The following ITPR1 variants were observed in gnomAD, a reference collection of about 807,000 sequenced individuals.
The protein encoded by ITPR1 is inositol 1,4,5-trisphosphate receptor type 1.
A neutral mutation model predicts 318.4 loss-of-function variants in ITPR1; 96 were observed. The ratio of observed to expected loss-of-function variants is 0.30; its 90% CI spans 0.26 to 0.36. ITPR1 has a LOEUF of 0.36. ITPR1 is among the 10% of genes least tolerant of loss of function. ITPR1 has a pLI of 1.00. For synonymous variants in ITPR1, 1,312 were observed against 1,289.9 expected (o/e 1.02, Z -0.37); for missense variants, 2,440 against 3,460.2 (o/e 0.71, Z 7.40).
intron 30 of ITPR1, 28 bp from the exon 31 acceptor site, chr3:4,688,467 G>A: frequency 6.2e-7 from 1 of 1,612,064 alleles, no homozygotes; most frequent in Non-Finnish European, 8.5e-7. Flanking sequence ...CCAGCAATCA[G>A]TGCTTTCATC....
rs138613715 is a variant in ITPR1 at position 4,614,695 on chromosome 3, A to G, written c.164-13068A>G. 5.5e-3 allele frequency among the ~76,000 whole-genome samples: 841 copies of G among 152,270 alleles called. 9 individuals are homozygous for G. Among genetic ancestry groups the G allele is most frequent in the African/African-American group, 0.019 (807 of 41,546 alleles). ...ATGACATGCAACTTGAGCTTTTACAACAGGCATGCAGTTTCTGGGTGATGA... is the reference window on the plus strand; with the variant it reads ...ATGACATGCAACTTGAGCTTTTACAGCAGGCATGCAGTTTCTGGGTGATGA... On this transcript the variant is annotated intron_variant, in intron 4 of 61. Transcript: ENST00000649015.
At chr3:4,844,772 C>A (rs1364310610) in intron 61 of ITPR1, among the ~76,000 whole-genome samples, 1 of 152,168 alleles carries the variant, frequency 6.6e-6, no homozygotes, top group Non-Finnish European at 1.5e-5. Flanking sequence ...TTAAAAGCTA[C>A]CTTTTGGAAA....
At chr3:4,790,816 G>A (rs960037297) in intron 52 of ITPR1, among the ~76,000 whole-genome samples, 2 of 152,206 alleles carry the variant, frequency 1.3e-5, no homozygotes, top group African/African-American at 4.8e-5. Context: ...CAATTGCTCT[G>A]AGCTTCATAA....
intron 6 of ITPR1, among the ~76,000 whole-genome samples, chr3:4,641,823 A>T (rs1461556720): frequency 6.6e-6 from 1 of 152,266 alleles, no homozygotes; most frequent in Non-Finnish European, 1.5e-5. Context: ...ATGATGGCAC[A>T]GTTGACCTGA....
chr3:4,786,702 C>T (rs932660771), intron 51 of ITPR1, among the ~76,000 whole-genome samples: 2 of 152,208 alleles, frequency 1.3e-5, no homozygotes, highest in African/African-American at 4.8e-5. Context: ...AGTACCTCCT[C>T]TCTGGGGACT....
chr3:4,689,677 C>G (rs557872925), intron 31 of ITPR1, among the ~76,000 whole-genome samples: 42 of 152,222 alleles, frequency 2.8e-4, no homozygotes, highest in African/African-American at 1.0e-3. Context: ...CCACCTCACC[C>G]CAAATATAAA....
chr3:4,666,376 A>C (rs1476757745), intron 17 of ITPR1, among the ~76,000 whole-genome samples: 1 of 152,198 alleles, frequency 6.6e-6, no homozygotes, highest in Admixed American at 6.5e-5. Context: ...ACTGTAATCC[A>C]ATAGCCAGAG....
At chr3:4,678,183 A>C (rs2094222561) in intron 24 of ITPR1, among the ~76,000 whole-genome samples, 1 of 152,182 alleles carries the variant, frequency 6.6e-6, no homozygotes, top group South Asian at 2.1e-4. Flanking sequence ...AAGTCATGTA[A>C]TTAGGACGAT....
chr3:4,502,697 C>A (rs144452545), intron 2 of ITPR1, among the ~76,000 whole-genome samples: 52 of 152,082 alleles, frequency 3.4e-4, no homozygotes, highest in South Asian at 8.3e-4. Flanking sequence ...CCTTGGCCTC[C>A]CGAAGTGCTG....
intron 21 of ITPR1, 56 bp downstream of exon 21, chr3:4,673,443 C>T: frequency 1.4e-6 from 2 of 1,472,004 alleles, no homozygotes; most frequent in Non-Finnish European, 1.8e-6. Flanking sequence ...CAGTAGATAG[C>T]CCCATATGGT....
At chr3:4,724,276 G>GAAA (rs1382427158) in intron 40 of ITPR1, 1 of 152,196 alleles carries the variant, frequency 6.6e-6, no homozygotes, top group Non-Finnish European at 1.5e-5. Context: ...TCTCTGTTGG[G>GAAA]AAATAGACAA....
chr3:4,501,603 G>A (rs1441586071), intron 2 of ITPR1, among the ~76,000 whole-genome samples: 1 of 152,228 alleles, frequency 6.6e-6, no homozygotes, highest in Non-Finnish European at 1.5e-5. Context: ...GCTCTCACCT[G>A]TTCAGGCTGA....
intron 4 of ITPR1, among the ~76,000 whole-genome samples, chr3:4,589,913 A>G: frequency 1.3e-5 from 2 of 152,174 alleles, no homozygotes; most frequent in Non-Finnish European, 2.9e-5. Context: ...AAGTGGGCCT[A>G]TCTCGGGCTC....
intron 44 of ITPR1, among the ~76,000 whole-genome samples, chr3:4,738,862 T>C (rs951533320): frequency 4.0e-5 from 6 of 151,128 alleles, no homozygotes; most frequent in African/African-American, 9.8e-5. Flanking sequence ...AACGCAGGGG[T>C]GGTGTGGGGG....
At chr3:4,706,525 G>C (rs1329386532) in intron 37 of ITPR1, among the ~76,000 whole-genome samples, 174 bp downstream of exon 37, 1 of 152,176 alleles carries the variant, frequency 6.6e-6, no homozygotes, top group Non-Finnish European at 1.5e-5. Context: ...AGTTACTTAG[G>C]AATAGAAAAG....
At chr3:4,839,769 A>G (rs967640793) in intron 61 of ITPR1, among the ~76,000 whole-genome samples, 1 of 152,240 alleles carries the variant, frequency 6.6e-6, no homozygotes, top group African/African-American at 2.4e-5. Flanking sequence ...AAGGTTCATT[A>G]AGTGACATTA....
At chr3:4,685,234 G>A (rs1255765442) in intron 30 of ITPR1, 28 bp downstream of exon 30, 1 of 1,577,026 alleles carries the variant, frequency 6.3e-7, no homozygotes, top group African/African-American at 1.3e-5. Context: ...CACAGCAGCT[G>A]CTCTCAGGAT....
At chr3:4,792,789 C>G (rs1270944222) in intron 52 of ITPR1, among the ~76,000 whole-genome samples, 2 of 152,208 alleles carry the variant, frequency 1.3e-5, no homozygotes, top group Non-Finnish European at 2.9e-5. Flanking sequence ...CAGTTTCACT[C>G]TACTCTTATT....
chr3:4,549,079 G>A (rs541587655), intron 4 of ITPR1, among the ~76,000 whole-genome samples: 32 of 152,228 alleles, frequency 2.1e-4, no homozygotes, highest in African/African-American at 7.2e-4. Context: ...AAGAACTTAA[G>A]CCCTCTCCAT....
Sources: allele counts gnomAD v4.1 joint callset (sites outside exome capture counted in the v4.1 genomes callset), GRCh38; gene constraint gnomAD v4.1.1; transcripts MANE v1.5; gene names NCBI Gene and HGNC (gene_info 2026-07-23, HGNC 2026-07-21).